Variants in USP43 observed in about 807,000 individuals in gnomAD.
USP43 encodes the protein ubiquitin carboxyl-terminal hydrolase 43.
A neutral mutation model predicts 90.7 loss-of-function variants in USP43; 33 were observed. That is an observed-to-expected ratio of 0.36 (90% CI 0.28 to 0.49). The LOEUF (loss-of-function observed/expected upper bound fraction) is 0.49, where lower values mean the gene tolerates loss of function less well. USP43 is among the 20% of genes least tolerant of loss of function. USP43 has a pLI of 0.98. For missense variants in USP43, 1,274 were observed against 1,476.4 expected (o/e 0.86, Z 2.25); for synonymous variants, 598 against 615.8 (o/e 0.97, Z 0.43).
intron 4 of USP43, among the ~76,000 whole-genome samples, chr17:9,675,986 T>C (rs138732142): frequency 6.6e-6 from 1 of 152,282 alleles, no homozygotes; most frequent in African/African-American, 2.4e-5. Context: ...GGGCAGTTAT[T>C]GGAGTACAGA....
At chr17:9,689,431 A>G (rs1221323148) in intron 8 of USP43, among the ~76,000 whole-genome samples, 1 of 150,818 alleles carries the variant, frequency 6.6e-6, no homozygotes, top group African/African-American at 2.4e-5. Flanking sequence ...TTTTTTAAAG[A>G]GATAGAGTCC....
intron 1 of USP43, among the ~76,000 whole-genome samples, chr17:9,653,896 G>A (rs1912047518): frequency 6.6e-6 from 1 of 152,224 alleles, no homozygotes; most frequent in Admixed American, 6.5e-5. Flanking sequence ...GTCTGGGTCA[G>A]CTGTAGGTGA....
intron 14 of USP43, among the ~76,000 whole-genome samples, chr17:9,716,552 T>TA (rs1916581947): frequency 1.3e-5 from 2 of 152,144 alleles, no homozygotes; most frequent in African/African-American, 4.8e-5. Context: ...CAATTGTCAA[T>TA]AAAAAAGCAA....
At chr17:9,702,663 T>A (rs1264616618) in intron 12 of USP43, among the ~76,000 whole-genome samples, 1 of 152,186 alleles carries the variant, frequency 6.6e-6, no homozygotes, top group African/African-American at 2.4e-5. Flanking sequence ...CTCGATTATG[T>A]CATTGTTTGC....
At chr17:9,688,668 C>T (rs1389888417) in intron 8 of USP43, among the ~76,000 whole-genome samples, 1 of 151,786 alleles carries the variant, frequency 6.6e-6, no homozygotes, top group South Asian at 2.1e-4. Context: ...CTTTTGCCTC[C>T]ATACCTTTGC....
intron 1 of USP43, among the ~76,000 whole-genome samples, chr17:9,653,264 G>T (rs1196618142): frequency 6.6e-6 from 1 of 152,164 alleles, no homozygotes; most frequent in African/African-American, 2.4e-5. Flanking sequence ...AACTGGAGAG[G>T]AATGGATTTC....
intron 6 of USP43, among the ~76,000 whole-genome samples, chr17:9,681,461 ATTAT>A (rs1914249217): frequency 1.1e-4 from 7 of 65,012 alleles, no homozygotes; most frequent in Admixed American, 2.4e-4. Flanking sequence ...TATAAAATAT[ATTAT>A]ATATATATAT....
chr17:9,680,020 T>TC (rs1914060988), intron 5 of USP43, among the ~76,000 whole-genome samples: 1 of 151,960 alleles, frequency 6.6e-6, no homozygotes, highest in Admixed American at 6.6e-5. Flanking sequence ...TAGATTTTTT[T>TC]TTTTTTTTTC....
rs940229019 is a variant in USP43, at chr17:9,686,358, G to T, written c.1242-440G>T. On this transcript the variant is annotated intron_variant, in intron 7 of 14. Transcript: ENST00000285199. This position sits in a 1 kb window ranked among gnomAD's most constrained non-coding sequence, Gnocchi z 5.5. Reference sequence around the variant, plus strand: ...TAGTGGGATGGCTGGGTCACATGGTGGTTCTATTTTTAGTTTTTTGAAGAA... The same window carrying T: ...TAGTGGGATGGCTGGGTCACATGGTTGTTCTATTTTTAGTTTTTTGAAGAA... Among the ~76,000 whole-genome samples, 2 of 152,098 alleles carry T rather than the reference G, an allele frequency of 1.3e-5. No individual in the cohort carries two copies. The highest frequency in any genetic ancestry group is 4.8e-5 in the African/African-American group (2 of 41,410).
At chr17:9,682,172 TG>T (rs1357316388) in intron 6 of USP43, among the ~76,000 whole-genome samples, 1 of 152,206 alleles carries the variant, frequency 6.6e-6, no homozygotes, top group African/African-American at 2.4e-5. Flanking sequence ...GTAGATAAAC[TG>T]GGGACTCTGT....
Position 9,729,320 on chromosome 17 carries a change from G to A in USP43, c.*330G>A. ...GATGTGGGCAAACAAGATGAGGCTG[G>A]TTTAATAAGAATCTTCAATGTCATG... On this transcript the variant is annotated 3_prime_UTR_variant, in exon 15 of 15. Transcript: ENST00000285199. The A allele has an allele frequency of 5.4e-6, 1 of 185,240 alleles. No individual in the cohort carries two copies. Among genetic ancestry groups the A allele is most frequent in the Non-Finnish European group, 1.1e-5 (1 of 91,184 alleles). The allele number at this position is 185,240 out of a possible 1,614,324, so 11.5% of individuals were successfully genotyped here. A position where few individuals can be genotyped will look rare whatever the true frequency, so the allele number is the denominator to read the frequency against.
At chr17:9,703,938 A>G (rs1321498640) in intron 12 of USP43, among the ~76,000 whole-genome samples, 1 of 152,168 alleles carries the variant, frequency 6.6e-6, no homozygotes, top group African/African-American at 2.4e-5. Context: ...GGAAAGGGTG[A>G]TGGGAGCTTG....
chr17:9,655,586 C>T (rs1020477606), intron 1 of USP43, among the ~76,000 whole-genome samples: 9 of 152,192 alleles, frequency 5.9e-5, no homozygotes, highest in South Asian at 2.1e-4. Context: ...AGAAGGACAG[C>T]GCAAGGGATA....
Position 9,666,740 on chromosome 17 carries a change from A to C in USP43, c.729A>C (p.Gln243His), listed in dbSNP as rs777919490. ...LGQSFVQSHF[Q>H]AQYRSSLTCP... Reference sequence around the variant, plus strand: ...AAAGCTTTGTGCAAAGCCACTTTCAAGCACAATATAGGTAAGATGGGGATG... The same window carrying C: ...AAAGCTTTGTGCAAAGCCACTTTCACGCACAATATAGGTAAGATGGGGATG... The change falls in exon 3 of 15, where the codon CAA (glutamine) becomes CAC (histidine). Residue 243 changes from glutamine to histidine, a missense_variant. By Grantham distance (24) the Gln-to-His change is conservative. This residue lies in a region of USP43 where 259 missense variants were observed against 373.7 expected (regional missense o/e 0.69). Transcript: ENST00000285199. The C allele has an allele frequency of 6.2e-7, 1 of 1,611,790 alleles. No homozygotes were observed.
At chr17:9,652,565 G>C (rs541824993) in intron 1 of USP43, among the ~76,000 whole-genome samples, 4 of 152,104 alleles carry the variant, frequency 2.6e-5, no homozygotes, top group African/African-American at 9.6e-5. Flanking sequence ...GTTTCACCTT[G>C]GTAGCCAGGA....
chr17:9,709,318 A>T lies in USP43; in HGVS notation c.2012-638A>T, dbSNP rs912439717. Among the ~76,000 whole-genome samples, 3 of 152,224 alleles carry T rather than the reference A, an allele frequency of 2.0e-5. No homozygotes were observed. Among genetic ancestry groups the T allele is most frequent in the Non-Finnish European group, 4.4e-5 (3 of 68,048 alleles). Reference sequence around the variant, plus strand: ...GATATGCATTTTGAAGCTTCTCAGAAGAAATGGGGTGAACGCTGACATTAT... The same window carrying T: ...GATATGCATTTTGAAGCTTCTCAGATGAAATGGGGTGAACGCTGACATTAT... On this transcript the variant is annotated intron_variant, in intron 12 of 14. Transcript: ENST00000285199. The surrounding 1 kb of genome is among the most constrained non-coding windows in gnomAD (Gnocchi z 5.0).
intron 9 of USP43, among the ~76,000 whole-genome samples, chr17:9,696,156 CAG>C (rs1915248656): frequency 6.6e-6 from 1 of 151,538 alleles, no homozygotes; most frequent in Non-Finnish European, 1.5e-5. Flanking sequence ...GTTTTTTAGA[CAG>C]AGTCTCACTC....
chr17:9,728,525 C>T lies in USP43; in HGVS notation c.2907C>T (p.Ser969=). 6.2e-7 allele frequency: 1 copy of T among 1,613,952 alleles called. No homozygotes were observed. Among genetic ancestry groups the T allele is most frequent in the Non-Finnish European group, 8.5e-7 (1 of 1,179,878 alleles). ...FQMGSKSSPP[S]PYMGFSGNSK... is the part of the protein sequence containing the mutation. Reference sequence around the variant, plus strand: ...TGGGAAGCAAAAGCAGCCCACCCTCCCCCTATATGGGATTCTCTGGAAACA... The same window carrying T: ...TGGGAAGCAAAAGCAGCCCACCCTCTCCCTATATGGGATTCTCTGGAAACA... Residue 969 remains serine (S), a synonymous_variant, in exon 15 of 15, where the codon TCC becomes TCT. Coordinates refer to ENST00000285199, the MANE Select transcript of USP43 (RefSeq NM_153210.5). The surrounding 1 kb of genome is among the most constrained non-coding windows in gnomAD (Gnocchi z 6.2).
At chr17:9,718,333 G>T (rs1287351114) in intron 14 of USP43, among the ~76,000 whole-genome samples, 1 of 152,082 alleles carries the variant, frequency 6.6e-6, no homozygotes, top group Non-Finnish European at 1.5e-5. Flanking sequence ...CCAGACTCTG[G>T]TTACATATTT....
Sources: allele counts gnomAD v4.1 joint callset (sites outside exome capture counted in the v4.1 genomes callset), GRCh38; gene constraint gnomAD v4.1.1; regional missense constraint gnomAD v4.1.1; non-coding constraint Gnocchi (gnomAD v3.1); transcripts MANE v1.5; gene names NCBI Gene and HGNC (gene_info 2026-07-23, HGNC 2026-07-21).